Variants in RANBP2 observed in about 807,000 individuals in gnomAD.
RANBP2 encodes the protein RAN binding protein 2.
In RANBP2, 57 loss-of-function variants were observed where a neutral mutation model predicts 303.6. That is an observed-to-expected ratio of 0.19 (90% CI 0.15 to 0.23). The LOEUF (loss-of-function observed/expected upper bound fraction) is 0.23. RANBP2 is among the 10% of genes least tolerant of loss of function. The probability of loss-of-function intolerance (pLI) is 1.00; values close to 1 mark genes in which losing one functional copy is unlikely to be tolerated. For missense variants in RANBP2, 3,138 were observed against 3,780.8 expected (o/e 0.83, Z 4.46); for synonymous variants, 1,167 against 1,301.5 (o/e 0.90, Z 2.23).
chr2:109,538,408 G>A, the RANBP2 span, among the ~76,000 whole-genome samples: 1 of 152,200 alleles, frequency 6.6e-6, no homozygotes, highest in Non-Finnish European at 1.5e-5. Flanking sequence ...TGTCTCTCAG[G>A]GCCATTATTC....
chr2:109,621,707 T>C, the RANBP2 span, among the ~76,000 whole-genome samples: 2 of 151,656 alleles, frequency 1.3e-5, no homozygotes, highest in Non-Finnish European at 2.9e-5. Context: ...AGGTTAGGAG[T>C]TCGAGACCAG....
At chr2:109,051,163 A>G in the RANBP2 span, among the ~76,000 whole-genome samples, 3 of 152,260 alleles carry the variant, frequency 2.0e-5, no homozygotes, top group Non-Finnish European at 4.4e-5. Context: ...AGGATTCAAA[A>G]TAGAACATCT....
the RANBP2 span, among the ~76,000 whole-genome samples, chr2:108,880,224 C>CG: frequency 2.0e-5 from 1 of 50,454 alleles, no homozygotes; most frequent in Non-Finnish European, 4.8e-5. Flanking sequence ...CAAAAACAAA[C>CG]AAAAAAAAAA....
chr2:109,087,569 C>T, the RANBP2 span, among the ~76,000 whole-genome samples: 1 of 152,174 alleles, frequency 6.6e-6, no homozygotes, highest in Admixed American at 6.5e-5. Context: ...GGCCAGGAGA[C>T]TTGGAGTCAG....
chr2:109,113,868 C>G, the RANBP2 span, among the ~76,000 whole-genome samples: 1 of 152,184 alleles, frequency 6.6e-6, no homozygotes, highest in Non-Finnish European at 1.5e-5. Context: ...TTGTCAAAGA[C>G]CTCTTCTGCA....
the RANBP2 span, among the ~76,000 whole-genome samples, chr2:109,294,426 T>A: frequency 1.3e-5 from 2 of 151,770 alleles, no homozygotes; most frequent in African/African-American, 4.8e-5. Flanking sequence ...CCGGGCATGG[T>A]GGTGGGTGCC....
At chr2:109,195,634 G>A in the RANBP2 span, among the ~76,000 whole-genome samples, 5 of 152,134 alleles carry the variant, frequency 3.3e-5, no homozygotes, top group Non-Finnish European at 5.9e-5. Flanking sequence ...CTCTTTCCCC[G>A]CAGGCAGCCT....
chr2:109,680,288 G>C, the RANBP2 span, among the ~76,000 whole-genome samples: 2 of 151,650 alleles, frequency 1.3e-5, no homozygotes, highest in South Asian at 2.1e-4. Flanking sequence ...CGGAGGCGGA[G>C]CTTGCAGTGA....
the RANBP2 span, among the ~76,000 whole-genome samples, chr2:109,103,951 A>G: frequency 1.3e-5 from 2 of 151,314 alleles, no homozygotes; most frequent in Non-Finnish European, 2.9e-5. Context: ...CCGCCACCAC[A>G]CCCAGCTGAT....
At chr2:108,828,775 G>A in the RANBP2 span, among the ~76,000 whole-genome samples, 2 of 152,144 alleles carry the variant, frequency 1.3e-5, no homozygotes, top group South Asian at 2.1e-4. Flanking sequence ...TCAGGAGTTC[G>A]AGACCAGCCT....
At chr2:109,717,977 A>G in the RANBP2 span, among the ~76,000 whole-genome samples, 1 of 152,182 alleles carries the variant, frequency 6.6e-6, no homozygotes, top group Non-Finnish European at 1.5e-5. Flanking sequence ...GGAATAAATT[A>G]CCTAAACATA....
chr2:109,019,120 A>C, the RANBP2 span, among the ~76,000 whole-genome samples: 1 of 152,250 alleles, frequency 6.6e-6, no homozygotes, highest in Non-Finnish European at 1.5e-5. Flanking sequence ...CCCGGGTTCA[A>C]ATGCCGTCTC....
the RANBP2 span, among the ~76,000 whole-genome samples, chr2:108,894,124 G>T: frequency 6.6e-6 from 1 of 151,952 alleles, no homozygotes; most frequent in Non-Finnish European, 1.5e-5. Flanking sequence ...ACTAACCCCC[G>T]AGCTATGATA....
the RANBP2 span, among the ~76,000 whole-genome samples, chr2:109,539,366 C>G: frequency 6.6e-6 from 1 of 152,040 alleles, no homozygotes; most frequent in East Asian, 1.9e-4. Flanking sequence ...ATGTGACCAC[C>G]ACAATAAAGA....
chr2:109,243,311 TG>T, the RANBP2 span, among the ~76,000 whole-genome samples: 1 of 152,256 alleles, frequency 6.6e-6, no homozygotes, highest in Non-Finnish European at 1.5e-5. Context: ...GAGACTCCCG[TG>T]TGCTTTTGCA....
At chr2:109,685,623 G>T in the RANBP2 span, among the ~76,000 whole-genome samples, 1 of 152,242 alleles carries the variant, frequency 6.6e-6, no homozygotes, top group African/African-American at 2.4e-5. Flanking sequence ...GACCTCCCCT[G>T]CTGGGCAGAG....
At chr2:109,280,722 T>C in the RANBP2 span, among the ~76,000 whole-genome samples, 1 of 152,242 alleles carries the variant, frequency 6.6e-6, no homozygotes, top group South Asian at 2.1e-4. Context: ...CTGGAGACGT[T>C]GGAAATGGGG....
At chr2:108,907,804 G>A in the RANBP2 span, 1 of 1,602,530 alleles carries the variant, frequency 6.2e-7, no homozygotes, top group Admixed American at 1.7e-5. Context: ...TTTTAGTCTT[G>A]CGGCTGTGAG....
At chr2:109,483,291 C>G in the RANBP2 span, among the ~76,000 whole-genome samples, 1 of 152,360 alleles carries the variant, frequency 6.6e-6, no homozygotes, top group African/African-American at 2.4e-5. Flanking sequence ...AAAGATAAGT[C>G]CCCGTTTCTT....
Sources: gnomAD v4.1 joint callset for allele counts (sites outside exome capture counted in the v4.1 genomes callset) on GRCh38, gnomAD v4.1.1 for gene constraint, MANE v1.5 for transcripts, NCBI Gene and HGNC (gene_info 2026-07-23, HGNC 2026-07-21) for gene names.